Variants in HTR2A observed in about 807,000 individuals in gnomAD.
HTR2A encodes the protein 5-hydroxytryptamine receptor 2A.
A neutral mutation model predicts 31.0 loss-of-function variants in HTR2A; 14 were observed. The ratio of observed to expected loss-of-function variants is 0.45; its 90% CI spans 0.30 to 0.71. The LOEUF (loss-of-function observed/expected upper bound fraction) is 0.71. Among genes scored for constraint, HTR2A ranks in the 30% least tolerant of loss-of-function variants. The pLI is 0.09. For missense variants in HTR2A, 442 were observed against 573.3 expected (o/e 0.77, Z 2.34); for synonymous variants, 209 against 225.2 (o/e 0.93, Z 0.64).
chr13:46,852,109 G>A (rs1022108530), intron 3 of HTR2A: 4 of 152,290 alleles, frequency 2.6e-5, no homozygotes, highest in African/African-American at 9.6e-5. Flanking sequence ...GTGGTTTCTA[G>A]AAGCTGGAGG....
chr13:46,878,903 G>A (rs1156613520), intron 3 of HTR2A, among the ~76,000 whole-genome samples: 1 of 152,126 alleles, frequency 6.6e-6, no homozygotes, highest in Admixed American at 6.5e-5. Context: ...CAGAATTACT[G>A]AAAAGAAAAT....
chr13:46,891,842 C>T (rs1951055362), intron 3 of HTR2A, among the ~76,000 whole-genome samples: 1 of 152,144 alleles, frequency 6.6e-6, no homozygotes, highest in Admixed American at 6.5e-5. Context: ...AGTTGAAATC[C>T]TTTGGTGTGT....
intron 3 of HTR2A, among the ~76,000 whole-genome samples, chr13:46,851,459 T>C (rs1846087390): frequency 6.6e-6 from 1 of 152,242 alleles, no homozygotes; most frequent in South Asian, 2.1e-4. Context: ...GTTAATTTGC[T>C]GGATTACACA....
chr13:46,885,784 A>G (rs1593443863), intron 3 of HTR2A, among the ~76,000 whole-genome samples: 1 of 152,216 alleles, frequency 6.6e-6, no homozygotes, highest in African/African-American at 2.4e-5. Flanking sequence ...TGGATAAGTG[A>G]AAGACGTTAC....
At chr13:46,877,998 G>A (rs9562687) in intron 3 of HTR2A, among the ~76,000 whole-genome samples, 23,338 of 152,126 alleles carry the variant, frequency 0.15, 1,898 homozygotes, top group East Asian at 0.18. Context: ...AGATGAAATA[G>A]AGGTATGGAC....
rs1316966501 is a variant in HTR2A at position 46,840,994 on chromosome 13, C to A, written c.614-5355G>T. 1.4e-4 allele frequency among the ~76,000 whole-genome samples: 22 copies of A among 152,088 alleles called. 1 individual carries two copies. Among genetic ancestry groups the A allele is most frequent in the Admixed American group, 1.4e-3 (22 of 15,266 alleles). ...AGGTGATTGGATCATGGGGAGGTTT[C>A]TCCCATGCTGTTCTCGTGATAGTGA... On this transcript the variant is annotated intron_variant, in intron 3 of 3. Transcript: ENST00000542664.
intron 3 of HTR2A, among the ~76,000 whole-genome samples, chr13:46,874,177 T>C (rs1194114913): frequency 6.6e-6 from 1 of 152,238 alleles, no homozygotes. Flanking sequence ...GTATGTCTCT[T>C]ATTCTTAGCT....
At chr13:46,861,019 C>A (rs1364791293) in intron 3 of HTR2A, among the ~76,000 whole-genome samples, 2 of 152,176 alleles carry the variant, frequency 1.3e-5, no homozygotes, top group Non-Finnish European at 2.9e-5. Flanking sequence ...AGGTTGATTA[C>A]TTAAAATTAG....
intron 3 of HTR2A, among the ~76,000 whole-genome samples, chr13:46,880,364 C>T (rs373308204): frequency 2.6e-5 from 4 of 152,312 alleles, no homozygotes; most frequent in African/African-American, 9.6e-5. Context: ...GATCCTGACG[C>T]AGCCCAAGGG....
chr13:46,865,110 T>G (rs764292243), intron 3 of HTR2A, among the ~76,000 whole-genome samples: 1 of 152,198 alleles, frequency 6.6e-6, no homozygotes, highest in Non-Finnish European at 1.5e-5. Context: ...CAACACTGAT[T>G]CTCCTTCCTC....
intron 3 of HTR2A, among the ~76,000 whole-genome samples, chr13:46,838,411 C>G (rs1476882617): frequency 1.3e-5 from 2 of 152,142 alleles, no homozygotes; most frequent in Admixed American, 6.6e-5. Context: ...GAGCACCTAG[C>G]ACAGCACCCA....
intron 2 of HTR2A, among the ~76,000 whole-genome samples, chr13:46,894,049 C>T (rs1017441279): frequency 1.3e-5 from 2 of 152,246 alleles, no homozygotes; most frequent in African/African-American, 4.8e-5. Flanking sequence ...GATGTCGGCC[C>T]TCGGAGGGGT....
chr13:46,831,622 G>A lies in HTR2A; in HGVS notation c.*3215C>T, dbSNP rs544149183. 1.3e-5 allele frequency: 2 copies of A among 152,186 alleles called. No homozygotes were observed. The highest frequency in any genetic ancestry group is 2.9e-5 in the Non-Finnish European group (2 of 68,032). 9.4% of individuals were successfully genotyped at this position (152,186 alleles called of 1,614,324 possible). On this transcript the variant is annotated 3_prime_UTR_variant, in exon 4 of 4. Coordinates refer to ENST00000542664, the MANE Select transcript of HTR2A (RefSeq NM_000621.5). ...TTTAGCATCGCCTTGATTAAAATAA[G>A]TTCATAAAATAATCTTCACTGTATT...
At chr13:46,863,127 A>T (rs1950792822) in intron 3 of HTR2A, among the ~76,000 whole-genome samples, 1 of 152,254 alleles carries the variant, frequency 6.6e-6, no homozygotes, top group Non-Finnish European at 1.5e-5. Context: ...AGTCAAAATT[A>T]GTCAAATAAG....
intron 3 of HTR2A, among the ~76,000 whole-genome samples, chr13:46,890,592 C>T (rs571971687): frequency 6.6e-5 from 10 of 152,244 alleles, no homozygotes; most frequent in East Asian, 1.9e-4. Flanking sequence ...CTACTGGGTC[C>T]GTACTCAGTG....
At chr13:46,843,028 C>T (rs961882202) in intron 3 of HTR2A, among the ~76,000 whole-genome samples, 1 of 152,146 alleles carries the variant, frequency 6.6e-6, no homozygotes, top group Non-Finnish European at 1.5e-5. Flanking sequence ...CCTACTCCAC[C>T]CCACCTGGGA....
chr13:46,864,308 A>G (rs1010545144), intron 3 of HTR2A, among the ~76,000 whole-genome samples: 2 of 152,170 alleles, frequency 1.3e-5, no homozygotes, highest in Non-Finnish European at 1.5e-5. Flanking sequence ...TACTATGCTT[A>G]ATACCTGGGT....
Position 46,835,354 on chromosome 13 carries a change from T to G in HTR2A, c.899A>C (p.His300Pro). The G allele has an allele frequency of 6.2e-7, 1 of 1,614,072 alleles. No individual in the cohort carries two copies. The highest frequency in any genetic ancestry group is 8.5e-7 in the Non-Finnish European group (1 of 1,179,988). ...SSEKLFQRSI[H>P]REPGSYTGRR... is the part of the protein sequence containing the mutation. ...GCCTGTGTAGGACCCTGGCTCCCTA[T>G]GGATCGACCGCTGGAAGAGCTTTTC... is the stretch of plus-strand genomic sequence containing the variant. The change falls in exon 4 of 4, where the codon CAT becomes CCT. Residue 300 changes from histidine (H) to proline (P), a missense_variant. Physicochemically the swap from His to Pro is moderately conservative, Grantham distance 77. Around this residue, in one of 5 missense-constraint regions of HTR2A, gnomAD observed 174 missense variants for 195.1 expected, o/e 0.89. Coordinates refer to ENST00000542664, the MANE Select transcript of HTR2A (RefSeq NM_000621.5).
At position 46,892,304 on chromosome 13, in the gene HTR2A, G is replaced by A. The variant is rs145194929; in HGVS notation, c.613+86C>T. ...CAAAACAGTAGATTGAGGATGTCAG[G>A]TTTCAGTACAACAAAATGGAACAAG... On this transcript the variant is annotated intron_variant, in intron 3 of 3. Transcript: ENST00000542664. The A allele has an allele frequency of 3.6e-3, 4,569 of 1,262,914 alleles. 17 individuals are homozygous for A. The highest frequency in any genetic ancestry group is 4.7e-3 in the Non-Finnish European group (4,044 of 865,056). 78.2% of individuals were successfully genotyped at this position (1,262,914 alleles called of 1,614,324 possible). A position where few individuals can be genotyped will look rare whatever the true frequency, so the allele number is the denominator to read the frequency against.
Sources: allele counts gnomAD v4.1 joint callset (sites outside exome capture counted in the v4.1 genomes callset), GRCh38; gene constraint gnomAD v4.1.1; regional missense constraint gnomAD v4.1.1; transcripts MANE v1.5; gene names NCBI Gene and HGNC (gene_info 2026-07-23, HGNC 2026-07-21).